The following MGAT4C variants were observed in gnomAD, a reference collection of about 807,000 sequenced individuals.
MGAT4C encodes alpha-1,3-mannosyl-glycoprotein 4-beta-N-acetylglucosaminyltransferase C.
MGAT4C carries 19 observed loss-of-function variants against 40.1 expected under a neutral mutation model. That is an observed-to-expected ratio of 0.47 (90% confidence interval 0.33 to 0.70). The LOEUF is 0.70. Among genes scored for constraint, MGAT4C ranks in the 30% least tolerant of loss-of-function variants. The pLI is 0.02. For missense variants in MGAT4C, 491 were observed against 563.2 expected, an observed-to-expected ratio of 0.87 and a Z score of 1.30; for synonymous variants, 181 against 187.1, an observed-to-expected ratio of 0.97 and a Z score of 0.27.
At chr12:86,266,324 T>C (rs1019438146) in intron 4 of MGAT4C, among the ~76,000 whole-genome samples, 2 of 152,216 alleles carry the variant, frequency 1.3e-5, no homozygotes, top group African/African-American at 2.4e-5. Flanking sequence ...CAATGCCTAG[T>C]TAAATGAGGG....
In MGAT4C at chr12:86,740,383, C is replaced by A. The variant is rs529200012; in HGVS notation, c.-261-13142G>T. ...TTTGTTCAGTAGAAAATTTTAAAGC[C>A]AAATTGAAGAAGTTTGTAGAAGTGT... On this transcript the variant is annotated intron_variant, in intron 1 of 7. Transcript: ENST00000548651. Among the ~76,000 whole-genome samples, 6 of 150,716 alleles carry A rather than the reference C, an allele frequency of 4.0e-5. No individual in the cohort carries two copies. In the East Asian group the frequency reaches 1.2e-3, roughly 29 times the overall value.
chr12:86,555,021 T>G, intron 2 of MGAT4C, among the ~76,000 whole-genome samples: 1 of 152,046 alleles, frequency 6.6e-6, no homozygotes, highest in Non-Finnish European at 1.5e-5. Context: ...ATTTATTTTC[T>G]TTCTCTCTCT....
rs530193631 is a variant in MGAT4C at position 86,695,904 on chromosome 12, C to A, written c.-229+31305G>T. On this transcript the variant is annotated intron_variant, in intron 2 of 7. Transcript: ENST00000548651. ...TATCATCAATAAGAATTTAATTGTA[C>A]ATTTTAAAATAGCTGAAAGAATATA... Among the ~76,000 whole-genome samples, 15 of 152,036 alleles carry A rather than the reference C, an allele frequency of 9.9e-5. No homozygotes were observed. The South Asian group carries it at 2.7e-3, about 27-fold the overall frequency.
intron 1 of MGAT4C, among the ~76,000 whole-genome samples, chr12:86,234,743 C>T (rs979910458): frequency 6.6e-6 from 1 of 152,086 alleles, no homozygotes; most frequent in African/African-American, 2.4e-5. Flanking sequence ...ATTCCTAAAA[C>T]CTTTCTAATT....
intron 2 of MGAT4C, among the ~76,000 whole-genome samples, chr12:86,499,195 T>G (rs1958291901): frequency 6.6e-6 from 1 of 151,748 alleles, no homozygotes; most frequent in Non-Finnish European, 1.5e-5. Flanking sequence ...TGTGTTACGG[T>G]GGGGTTAAAA....
chr12:86,331,751 T>C (rs1038028818), intron 4 of MGAT4C, among the ~76,000 whole-genome samples: 7 of 152,260 alleles, frequency 4.6e-5, no homozygotes, highest in African/African-American at 1.7e-4. Flanking sequence ...ATGTAACATG[T>C]GGAGCAGAGG....
At chr12:86,683,168 A>G (rs1334743126) in intron 2 of MGAT4C, among the ~76,000 whole-genome samples, 1 of 152,092 alleles carries the variant, frequency 6.6e-6, no homozygotes, top group African/African-American at 2.4e-5. Context: ...AAAATACCTC[A>G]TAGGGTGGGG....
At chr12:86,169,561 CTA>C (rs952220667) in intron 1 of MGAT4C, among the ~76,000 whole-genome samples, 5 of 152,120 alleles carry the variant, frequency 3.3e-5, no homozygotes, top group African/African-American at 1.2e-4. Context: ...ACAATTTATT[CTA>C]TATTTTGTTT....
chr12:86,051,196 T>G (rs898489668), intron 1 of MGAT4C, among the ~76,000 whole-genome samples: 2 of 152,036 alleles, frequency 1.3e-5, no homozygotes, highest in African/African-American at 4.8e-5. Context: ...GAAAATATTA[T>G]AACAATGTTC....
intron 2 of MGAT4C, among the ~76,000 whole-genome samples, chr12:86,634,521 G>A (rs976428847): frequency 6.6e-6 from 1 of 152,078 alleles, no homozygotes; most frequent in Non-Finnish European, 1.5e-5. Flanking sequence ...CAAGGCAATT[G>A]TTTTGGCTGC....
At chr12:86,675,999 A>C (rs1023595551) in intron 2 of MGAT4C, among the ~76,000 whole-genome samples, 1 of 151,874 alleles carries the variant, frequency 6.6e-6, no homozygotes, top group African/African-American at 2.4e-5. Context: ...CATTTCAATG[A>C]AGTTTATAAA....
chr12:86,240,083 AT>A (rs1248993180), intron 1 of MGAT4C, among the ~76,000 whole-genome samples: 3 of 151,342 alleles, frequency 2.0e-5, no homozygotes, highest in Non-Finnish European at 4.4e-5. Flanking sequence ...TCTAATGCCT[AT>A]TCTAATGTGC....
chr12:86,428,464 C>T (rs1029840422), intron 3 of MGAT4C, among the ~76,000 whole-genome samples: 5 of 152,180 alleles, frequency 3.3e-5, no homozygotes, highest in Non-Finnish European at 7.3e-5. Context: ...TTGCCTGCCT[C>T]GGCCTCTAAA....
chr12:86,541,223 C>T (rs1048727267), intron 2 of MGAT4C, among the ~76,000 whole-genome samples: 1 of 152,108 alleles, frequency 6.6e-6, no homozygotes. Context: ...ATGCTTCCAA[C>T]AAAGTCTTCA....
intron 1 of MGAT4C, among the ~76,000 whole-genome samples, chr12:86,743,890 T>C (rs1424235959): frequency 1.3e-5 from 2 of 151,590 alleles, no homozygotes; most frequent in African/African-American, 4.8e-5. Context: ...AAGTATTAAG[T>C]AGTATGAACG....
intron 3 of MGAT4C, among the ~76,000 whole-genome samples, chr12:86,366,092 G>A (rs943877603): frequency 2.0e-5 from 3 of 152,026 alleles, no homozygotes; most frequent in Non-Finnish European, 4.4e-5. Flanking sequence ...TGTCCTTGTA[G>A]AGCAGTTTCA....
At chr12:86,295,682 G>T (rs898463002) in intron 4 of MGAT4C, among the ~76,000 whole-genome samples, 1 of 152,100 alleles carries the variant, frequency 6.6e-6, no homozygotes, top group Non-Finnish European at 1.5e-5. Flanking sequence ...GGCCTGTTTT[G>T]TCAGGGTGCT....
chr12:86,572,957 A>C (rs1960426780), intron 2 of MGAT4C, among the ~76,000 whole-genome samples: 1 of 151,938 alleles, frequency 6.6e-6, no homozygotes, highest in Non-Finnish European at 1.5e-5. Flanking sequence ...TCAAAGCATG[A>C]TTTTTCAAAA....
At chr12:86,828,251 A>C (rs1952846766) in intron 1 of MGAT4C, among the ~76,000 whole-genome samples, 1 of 151,034 alleles carries the variant, frequency 6.6e-6, no homozygotes, top group Admixed American at 6.6e-5. Context: ...TTTTTCATGT[A>C]AAACAGGAAA....
Sources: allele counts gnomAD v4.1 joint callset (sites outside exome capture counted in the v4.1 genomes callset), GRCh38; gene constraint gnomAD v4.1.1; transcripts MANE v1.5; gene names NCBI Gene and HGNC (gene_info 2026-07-23, HGNC 2026-07-21).